SLC35D4: variants seen among roughly 807,000 people sequenced by gnomAD.
The protein encoded by SLC35D4 is solute carrier family 35 member D4.
the SLC35D4 span, among the ~76,000 whole-genome samples, chr18:23,263,626 T>C: frequency 2.6e-5 from 4 of 152,268 alleles, no homozygotes; most frequent in Non-Finnish European, 4.4e-5. Context: ...CCATGTGTTA[T>C]AATTAAGACA....
the SLC35D4 span, among the ~76,000 whole-genome samples, chr18:23,287,870 G>C: frequency 2.6e-5 from 4 of 152,180 alleles, no homozygotes; most frequent in Non-Finnish European, 5.9e-5. Flanking sequence ...CAAACAACTT[G>C]ACCTTACTGT....
chr18:23,407,577 T>A, the SLC35D4 span, among the ~76,000 whole-genome samples: 3 of 150,952 alleles, frequency 2.0e-5, no homozygotes. Context: ...TCTCTTTATC[T>A]CACACACACA....
the SLC35D4 span, among the ~76,000 whole-genome samples, chr18:23,400,760 C>T: frequency 6.6e-6 from 1 of 152,300 alleles, no homozygotes; most frequent in South Asian, 2.1e-4. Context: ...ATGAACTGAT[C>T]TCCTGGAATG....
At chr18:23,437,254 T>A in the SLC35D4 span, among the ~76,000 whole-genome samples, 1 of 152,170 alleles carries the variant, frequency 6.6e-6, no homozygotes, top group South Asian at 2.1e-4. Flanking sequence ...TGTTTTATTT[T>A]AAAAAATAAT....
At chr18:23,414,840 C>T in the SLC35D4 span, among the ~76,000 whole-genome samples, 2 of 151,996 alleles carry the variant, frequency 1.3e-5, no homozygotes, top group Non-Finnish European at 2.9e-5. Context: ...TATGGCCAGG[C>T]ATGGTGGCTC....
chr18:23,320,410 T>C, the SLC35D4 span, among the ~76,000 whole-genome samples: 2 of 152,244 alleles, frequency 1.3e-5, no homozygotes, highest in Non-Finnish European at 2.9e-5. Context: ...TATCCATCTT[T>C]TCCTTTATTT....
At chr18:23,306,753 G>A in the SLC35D4 span, among the ~76,000 whole-genome samples, 1 of 152,058 alleles carries the variant, frequency 6.6e-6, no homozygotes, top group Non-Finnish European at 1.5e-5. Context: ...TTCCATGGGG[G>A]GGAAAAATCT....
At chr18:23,367,087 A>AG in the SLC35D4 span, among the ~76,000 whole-genome samples, 4 of 152,184 alleles carry the variant, frequency 2.6e-5, no homozygotes, top group Admixed American at 6.5e-5. Context: ...GCAGGATATG[A>AG]GGGGTCTCTT....
At chr18:23,300,900 C>G in the SLC35D4 span, among the ~76,000 whole-genome samples, 37 of 152,352 alleles carry the variant, frequency 2.4e-4, no homozygotes, top group Admixed American at 9.8e-4. Flanking sequence ...GGGACCGAAG[C>G]CTCCATCTAA....
chr18:23,298,928 C>T, the SLC35D4 span, among the ~76,000 whole-genome samples: 1,037 of 152,322 alleles, frequency 6.8e-3, 11 homozygotes, highest in Middle Eastern at 0.031. Context: ...GCCCAGGCCA[C>T]GGCGCCTTCG....
the SLC35D4 span, among the ~76,000 whole-genome samples, chr18:23,350,324 G>A: frequency 6.6e-6 from 1 of 152,180 alleles, no homozygotes; most frequent in East Asian, 1.9e-4. Context: ...TTCTGGCAAA[G>A]ACTAGTCAGA....
chr18:23,437,912 C>A, the SLC35D4 span: 1 of 1,547,796 alleles, frequency 6.5e-7, no homozygotes, highest in South Asian at 1.2e-5. Context: ...CTGGCCGCCG[C>A]CCGACCCCCG....
chr18:23,428,684 A>ATTTTT, the SLC35D4 span, among the ~76,000 whole-genome samples: 21 of 145,784 alleles, frequency 1.4e-4, no homozygotes, highest in Non-Finnish European at 2.3e-4. Flanking sequence ...TGCCTAGCTA[A>ATTTTT]TTTTTTTTTT....
the SLC35D4 span, among the ~76,000 whole-genome samples, chr18:23,383,005 G>A: frequency 6.6e-6 from 1 of 152,158 alleles, no homozygotes; most frequent in African/African-American, 2.4e-5. Context: ...GGGATACTGG[G>A]GAGTCCAAGG....
At chr18:23,361,369 G>C in the SLC35D4 span, among the ~76,000 whole-genome samples, 2 of 152,154 alleles carry the variant, frequency 1.3e-5, no homozygotes, top group South Asian at 2.1e-4. Flanking sequence ...ATAAAGTTCT[G>C]TTCTACCTTG....
At chr18:23,265,844 A>G in the SLC35D4 span, among the ~76,000 whole-genome samples, 1 of 152,138 alleles carries the variant, frequency 6.6e-6, no homozygotes, top group Non-Finnish European at 1.5e-5. Flanking sequence ...GCTTCCAGAA[A>G]AAGGAAGCAG....
the SLC35D4 span, among the ~76,000 whole-genome samples, chr18:23,329,275 C>T: frequency 6.6e-6 from 1 of 152,160 alleles, no homozygotes; most frequent in African/African-American, 2.4e-5. Flanking sequence ...AGGCAACCTA[C>T]AGAATGGGAG....
At chr18:23,276,168 A>G in the SLC35D4 span, among the ~76,000 whole-genome samples, 1 of 151,806 alleles carries the variant, frequency 6.6e-6, no homozygotes. Flanking sequence ...GCTCACTGCA[A>G]GCTCCGCCTC....
chr18:23,308,848 T>TCTCTC, the SLC35D4 span, among the ~76,000 whole-genome samples: 4 of 140,270 alleles, frequency 2.9e-5, no homozygotes, highest in South Asian at 7.2e-4. Context: ...AGCACGTGTT[T>TCTCTC]TCTCTCTCTC....
Sources: allele counts gnomAD v4.1 joint callset (sites outside exome capture counted in the v4.1 genomes callset), GRCh38; gene constraint gnomAD v4.1.1; transcripts MANE v1.5; gene names NCBI Gene and HGNC (gene_info 2026-07-23, HGNC 2026-07-21).